AEBP2: variants seen among roughly 807,000 people sequenced by gnomAD.
AEBP2 encodes the protein zinc finger protein AEBP2.
In AEBP2, 10 loss-of-function variants were observed where a neutral mutation model predicts 50.8. The observed-to-expected ratio is 0.20, with a 90% CI of 0.12 to 0.33. The LOEUF (loss-of-function observed/expected upper bound fraction) is 0.33. Among genes scored for constraint, AEBP2 ranks in the 10% least tolerant of loss-of-function variants. The pLI, the probability that AEBP2 is intolerant of heterozygous loss-of-function variation, is 1.00. For synonymous variants in AEBP2, 296 were observed against 261.3 expected (o/e 1.13, Z -1.28); for missense variants, 570 against 688.0 (o/e 0.83, Z 1.92).
chr12:19,506,759 T>TA (rs1949160855), intron 5 of AEBP2, among the ~76,000 whole-genome samples: 1 of 152,168 alleles, frequency 6.6e-6, no homozygotes, highest in Non-Finnish European at 1.5e-5. Context: ...GTGAGAATGA[T>TA]AGTGGCTTAG....
chr12:19,415,736 C>A (rs2095742230), intron 1 of AEBP2, among the ~76,000 whole-genome samples: 1 of 150,226 alleles, frequency 6.7e-6, no homozygotes, highest in African/African-American at 2.5e-5. Context: ...CTCTCTTTGC[C>A]CTTTCATTAC....
intron 1 of AEBP2, among the ~76,000 whole-genome samples, chr12:19,452,891 C>T (rs1045884233): frequency 5.3e-5 from 8 of 151,546 alleles, no homozygotes; most frequent in Non-Finnish European, 1.0e-4. Context: ...ATTAGGATTT[C>T]CTTTGTATCA....
chr12:19,440,582 A>G (rs61914968), intron 1 of AEBP2: 112,022 of 1,433,212 alleles, frequency 0.078, 5,120 homozygotes, highest in South Asian at 0.19. Flanking sequence ...TTCCCCCCCA[A>G]CTCTCCTTTC....
In AEBP2 at chr12:19,439,721, A is replaced by C; in HGVS notation, c.22A>C (p.Met8Leu). 6.6e-7 allele frequency: 1 copy of C among 1,514,654 alleles called. No individual in the cohort carries two copies. The allele number at this position is 1,514,654 out of a possible 1,614,324, so 93.8% of individuals were successfully genotyped here. A position where few individuals can be genotyped will look rare whatever the true frequency, so the allele number is the denominator to read the frequency against. Residue 8 changes from methionine to leucine, a missense_variant, in exon 1 of 8, where the codon ATG becomes CTG. Met to Leu is a conservative substitution (Grantham distance 15). Around this residue, in one of 2 missense-constraint regions of AEBP2, gnomAD observed 386 missense variants for 336.8 expected, o/e 1.15. Coordinates refer to ENST00000266508, the MANE Select transcript of AEBP2 (RefSeq NM_153207.5). MAAAITD[M>L]ADLEELSRLS... ...CGCCATGGCCGCCGCTATCACCGACATGGCCGACCTGGAGGAGCTCTCCCG... is the reference window on the plus strand; with the variant it reads ...CGCCATGGCCGCCGCTATCACCGACCTGGCCGACCTGGAGGAGCTCTCCCG...
At chr12:19,462,213 G>A (rs1384252910) in intron 1 of AEBP2, among the ~76,000 whole-genome samples, 3 of 152,030 alleles carry the variant, frequency 2.0e-5, no homozygotes, top group Admixed American at 1.3e-4. Flanking sequence ...TGTGTGTGTG[G>A]GGGTGTGGGT....
intron 1 of AEBP2, among the ~76,000 whole-genome samples, chr12:19,431,686 G>C (rs2095751505): frequency 6.6e-6 from 1 of 152,098 alleles, no homozygotes; most frequent in Non-Finnish European, 1.5e-5. Flanking sequence ...TCATGTTTTG[G>C]TTGGATTACA....
At chr12:19,460,510 T>C (rs1203368458) in intron 1 of AEBP2, among the ~76,000 whole-genome samples, 2 of 152,052 alleles carry the variant, frequency 1.3e-5, no homozygotes, top group Non-Finnish European at 2.9e-5. Flanking sequence ...TGTGCCACCA[T>C]GCCCAGCTGA....
chr12:19,461,899 T>A (rs1207850800), intron 1 of AEBP2, among the ~76,000 whole-genome samples: 1 of 152,048 alleles, frequency 6.6e-6, no homozygotes, highest in Non-Finnish European at 1.5e-5. Context: ...GTTAAAAAAA[T>A]AAAATTTTAG....
At chr12:19,423,563 C>G (rs1249701098) in intron 1 of AEBP2, among the ~76,000 whole-genome samples, 2 of 152,150 alleles carry the variant, frequency 1.3e-5, no homozygotes, top group Non-Finnish European at 2.9e-5. Flanking sequence ...TACCTGATAT[C>G]AAGGTCGCAG....
chr12:19,419,601 TA>T (rs1017639221), intron 1 of AEBP2, among the ~76,000 whole-genome samples: 43 of 117,076 alleles, frequency 3.7e-4, no homozygotes, highest in East Asian at 5.2e-4. Context: ...AAAATAATAA[TA>T]AAAAAAAAAA....
At chr12:19,490,591 T>C (rs1439692072) in intron 3 of AEBP2, among the ~76,000 whole-genome samples, 1 of 151,964 alleles carries the variant, frequency 6.6e-6, no homozygotes, top group African/African-American at 2.4e-5. Flanking sequence ...CAGGCTGGAG[T>C]GCAGTGGCAT....
At chr12:19,513,162 T>C (rs1949261858) in intron 6 of AEBP2, among the ~76,000 whole-genome samples, 1 of 152,196 alleles carries the variant, frequency 6.6e-6, no homozygotes, top group Admixed American at 6.5e-5. Context: ...GCCATAGCTG[T>C]GCCTTTGTTT....
chr12:19,440,338 G>C lies in AEBP2; in HGVS notation c.639G>C (p.Gly213=). 6.8e-7 allele frequency: 1 copy of C among 1,466,148 alleles called. No individual in the cohort carries two copies. The highest frequency in any genetic ancestry group is 9.0e-7 in the Non-Finnish European group (1 of 1,117,000). The allele number at this position is 1,466,148 out of a possible 1,614,324, so 90.8% of individuals were successfully genotyped here. Residue 213 remains glycine (G), a synonymous_variant, in exon 1 of 8, where the codon GGG becomes GGC. Coordinates refer to ENST00000266508, the MANE Select transcript of AEBP2 (RefSeq NM_153207.5). ...GCAGCTTGGAGATGTCGTCGGATGG[G>C]GAACCCCTGAGCCGCATGGACTCGG... is the stretch of plus-strand genomic sequence containing the variant. ...RRGSLEMSSD[G]EPLSRMDSED... is the part of the protein sequence containing the mutation.
intron 1 of AEBP2, among the ~76,000 whole-genome samples, chr12:19,420,654 T>G (rs1418668666): frequency 1.3e-5 from 2 of 152,154 alleles, no homozygotes; most frequent in East Asian, 1.9e-4. Flanking sequence ...AGTAAAATTG[T>G]CTATTACACA....
At chr12:19,481,106 T>C (rs1948722243) in intron 3 of AEBP2, among the ~76,000 whole-genome samples, 1 of 136,644 alleles carries the variant, frequency 7.3e-6, no homozygotes, top group Non-Finnish European at 1.6e-5. Context: ...TTTTTTTTTT[T>C]TTTTTTTTTT....
intron 4 of AEBP2, among the ~76,000 whole-genome samples, chr12:19,497,936 AG>A (rs1949012513): frequency 6.6e-6 from 1 of 152,250 alleles, no homozygotes; most frequent in Admixed American, 6.5e-5. Context: ...GAAATTAACA[AG>A]GGTATTCTAT....
At chr12:19,495,889 G>A (rs10770495) in intron 4 of AEBP2, among the ~76,000 whole-genome samples, 76,380 of 151,910 alleles carry the variant, frequency 0.5, 20,330 homozygotes, top group Non-Finnish European at 0.61. Flanking sequence ...TTTAATCAAC[G>A]TTGGCTATTT....
intron 1 of AEBP2, among the ~76,000 whole-genome samples, chr12:19,406,390 A>G (rs1236883730): frequency 6.6e-6 from 1 of 152,170 alleles, no homozygotes; most frequent in African/African-American, 2.4e-5. Context: ...ATCATACAAA[A>G]TAGTTTAACT....
intron 1 of AEBP2, among the ~76,000 whole-genome samples, chr12:19,454,432 A>C (rs559955270): frequency 6.6e-6 from 1 of 152,118 alleles, no homozygotes; most frequent in Non-Finnish European, 1.5e-5. Context: ...AAGGTCTTTA[A>C]TTGGTTAAGG....
Sources: allele counts gnomAD v4.1 joint callset (sites outside exome capture counted in the v4.1 genomes callset), GRCh38; gene constraint gnomAD v4.1.1; regional missense constraint gnomAD v4.1.1; transcripts MANE v1.5; gene names NCBI Gene and HGNC (gene_info 2026-07-23, HGNC 2026-07-21).